The following DENND2C variants were observed in gnomAD, a reference collection of about 807,000 sequenced individuals.
The protein encoded by DENND2C is DENN domain-containing protein 2C.
In DENND2C, 72 loss-of-function variants were observed where a neutral mutation model predicts 112.4. That is an observed-to-expected ratio of 0.64 (90% CI 0.53 to 0.78). The LOEUF is 0.78. Among genes scored for constraint, DENND2C ranks in the 30% least tolerant of loss-of-function variants. The pLI, the probability that DENND2C is intolerant of heterozygous loss-of-function variation, is 0.00. For missense variants in DENND2C, 992 were observed against 1,113.8 expected, an observed-to-expected ratio of 0.89 and a Z score of 1.56; for synonymous variants, 329 against 381.6, an observed-to-expected ratio of 0.86 and a Z score of 1.61.
At chr1:114,627,469 G>C (rs1387811369) in intron 3 of DENND2C, among the ~76,000 whole-genome samples, 1 of 152,024 alleles carries the variant, frequency 6.6e-6, no homozygotes, top group Admixed American at 6.6e-5. Flanking sequence ...GTTATTCTTG[G>C]CAGAGCAACT....
At chr1:114,663,246 A>G (rs1006634526) in intron 1 of DENND2C, among the ~76,000 whole-genome samples, 1 of 152,206 alleles carries the variant, frequency 6.6e-6, no homozygotes, top group Non-Finnish European at 1.5e-5. Context: ...ATACCCCTTC[A>G]AATTTATCTT....
At chr1:114,589,985 C>T (rs901479780) in intron 18 of DENND2C, among the ~76,000 whole-genome samples, 7 of 152,214 alleles carry the variant, frequency 4.6e-5, no homozygotes, top group African/African-American at 9.7e-5. Context: ...TTTCACTATA[C>T]ACACATAAAA....
chr1:114,613,992 G>A (rs929811472), intron 8 of DENND2C, among the ~76,000 whole-genome samples: 2 of 152,022 alleles, frequency 1.3e-5, no homozygotes, highest in Non-Finnish European at 2.9e-5. Flanking sequence ...CAGCATTTTC[G>A]GAGGCCAAGG....
At chr1:114,623,897 C>T (rs1656259913) in intron 4 of DENND2C, among the ~76,000 whole-genome samples, 2 of 152,088 alleles carry the variant, frequency 1.3e-5, no homozygotes, top group African/African-American at 4.8e-5. Context: ...CCACCATGCT[C>T]AGCTCTTTTT....
At chr1:114,663,531 G>A (rs1343365205) in intron 1 of DENND2C, among the ~76,000 whole-genome samples, 1 of 152,142 alleles carries the variant, frequency 6.6e-6, no homozygotes, top group Non-Finnish European at 1.5e-5. Flanking sequence ...TGATTTCGAA[G>A]AACCATGATT....
At chr1:114,642,874 C>T (rs924039468) in intron 3 of DENND2C, among the ~76,000 whole-genome samples, 1 of 152,196 alleles carries the variant, frequency 6.6e-6, no homozygotes, top group African/African-American at 2.4e-5. Flanking sequence ...TCTCTGAATA[C>T]ACCATGTACT....
chr1:114,600,637 T>G (rs1655474900), intron 14 of DENND2C, among the ~76,000 whole-genome samples, 183 bp downstream of exon 14: 1 of 152,216 alleles, frequency 6.6e-6, no homozygotes, highest in South Asian at 2.1e-4. Flanking sequence ...CTCTGGGTCC[T>G]GGGTCTAGGA....
chr1:114,600,406 T>C, intron 14 of DENND2C, 54 bp from the exon 15 acceptor site: 1 of 1,602,556 alleles, frequency 6.2e-7, no homozygotes, highest in Non-Finnish European at 8.5e-7. Context: ...CAATCCCTAG[T>C]GCCAACGCTA....
At chr1:114,627,323 A>C (rs1656371821) in intron 3 of DENND2C, among the ~76,000 whole-genome samples, 1 of 152,230 alleles carries the variant, frequency 6.6e-6, no homozygotes, top group Non-Finnish European at 1.5e-5. Context: ...CAGTTGATTC[A>C]AAACTTCCTG....
chr1:114,657,855 G>A (rs1657376995), intron 1 of DENND2C, among the ~76,000 whole-genome samples: 2 of 152,128 alleles, frequency 1.3e-5, no homozygotes, highest in Non-Finnish European at 2.9e-5. Context: ...CAGTGGGAAG[G>A]AGTCGCTAAA....
At position 114,600,826 on chromosome 1, in the gene DENND2C, T is replaced by G; in HGVS notation, c.1950A>C (p.Gly650=). ...ITVKSYLPGA[G]DESIELCRPL... ...TCAAAATGAGCTAACTTACCTCATCTCCAGCCCCAGGGAGGTAACTCTTAA... is the reference window on the plus strand; with the variant it reads ...TCAAAATGAGCTAACTTACCTCATCGCCAGCCCCAGGGAGGTAACTCTTAA... Residue 650 remains glycine, a synonymous_variant, in exon 14 of 21, where the codon GGA becomes GGC. Transcript: ENST00000393274. The G allele has an allele frequency of 6.2e-7, 1 of 1,611,674 alleles. No individual in the cohort carries two copies. Among genetic ancestry groups the G allele is most frequent in the African/African-American group, 1.3e-5 (1 of 74,924 alleles).
Position 114,591,881 on chromosome 1 carries a change from T to A in DENND2C, c.2431+2592A>T, listed in dbSNP as rs556050108. ...ATCATTTATTATTATTATTATTATTTTTATTATTATTATTATTATTTTAGA... is the reference window on the plus strand; with the variant it reads ...ATCATTTATTATTATTATTATTATTATTATTATTATTATTATTATTTTAGA... On this transcript the variant is annotated intron_variant, in intron 18 of 20. Transcript: ENST00000393274. Among the ~76,000 whole-genome samples, 103 of 145,600 alleles carry A rather than the reference T, an allele frequency of 7.1e-4. No homozygotes were observed. The East Asian group carries it at 8.0e-3, about 11-fold the overall frequency.
intron 3 of DENND2C, among the ~76,000 whole-genome samples, chr1:114,641,757 C>T (rs749932139): frequency 2.3e-4 from 35 of 152,176 alleles, no homozygotes; most frequent in Non-Finnish European, 4.6e-4. Context: ...TTTATAGCAA[C>T]GCACAATGGA....
rs144990095 is a variant in DENND2C at position 114,587,746 on chromosome 1, C to G, written c.2638G>C (p.Asp880His). The part of the protein sequence containing the change: ...ETQMFAGFIQ[D>H]RELRKSGVKG... Reference sequence around the variant, plus strand: ...ACTCCACTTTTCCGAAGCTCTCGGTCCTGGATGAATCCTGCAAACATCTGA... The same window carrying G: ...ACTCCACTTTTCCGAAGCTCTCGGTGCTGGATGAATCCTGCAAACATCTGA... Residue 880 changes from aspartate to histidine, a missense_variant, in exon 19 of 21, where the codon GAC becomes CAC. This residue lies in a region of DENND2C where 516 missense variants were observed against 623.6 expected (regional missense o/e 0.83). Transcript: ENST00000393274. 1 of 1,613,814 alleles carries G rather than the reference C, an allele frequency of 6.2e-7. No homozygotes were observed. Among genetic ancestry groups the G allele is most frequent in the African/African-American group, 1.3e-5 (1 of 75,028 alleles).
chr1:114,599,225 AT>A, intron 16 of DENND2C, 48 bp downstream of exon 16: 1 of 1,444,724 alleles, frequency 6.9e-7, no homozygotes, highest in East Asian at 2.3e-5. Flanking sequence ...AAGATCACTT[AT>A]TTTTACTTCT....
intron 3 of DENND2C, among the ~76,000 whole-genome samples, chr1:114,637,481 T>A (rs1027063000): frequency 6.6e-6 from 1 of 151,712 alleles, no homozygotes; most frequent in Non-Finnish European, 1.5e-5. Flanking sequence ...AATAACTACA[T>A]ACACAGATAT....
chr1:114,656,685 C>T (rs1464893020), intron 1 of DENND2C, among the ~76,000 whole-genome samples: 3 of 152,014 alleles, frequency 2.0e-5, no homozygotes, highest in Non-Finnish European at 2.9e-5. Flanking sequence ...CATGAGCCGC[C>T]GCACCCGGCC....
intron 18 of DENND2C, 29 bp from the exon 19 acceptor site, chr1:114,587,981 A>G: frequency 6.3e-7 from 1 of 1,593,088 alleles, no homozygotes; most frequent in Non-Finnish European, 8.6e-7. Flanking sequence ...GAAAAAAAGA[A>G]AAAAATCTCC....
intron 8 of DENND2C, among the ~76,000 whole-genome samples, chr1:114,613,513 C>T (rs1655878149): frequency 6.6e-6 from 1 of 152,004 alleles, no homozygotes; most frequent in Admixed American, 6.6e-5. Context: ...TCAAAATTAA[C>T]CACCATGACA....
Sources: gnomAD v4.1 joint callset for allele counts (sites outside exome capture counted in the v4.1 genomes callset) on GRCh38, gnomAD v4.1.1 for gene constraint, gnomAD v4.1.1 regional missense constraint, MANE v1.5 for transcripts, NCBI Gene and HGNC (gene_info 2026-07-23, HGNC 2026-07-21) for gene names.